TRPS1: variants seen among roughly 807,000 people sequenced by gnomAD.
TRPS1 encodes the protein transcriptional repressor GATA binding 1, also known as zinc finger transcription factor Trps1.
Under a neutral mutation model 101.2 loss-of-function variants are expected in TRPS1, and 6 were observed. The ratio of observed to expected loss-of-function variants is 0.06; its 90% CI spans 0.03 to 0.12. The LOEUF is 0.12. Ranked by LOEUF, TRPS1 falls within the 10% of genes least tolerant of loss-of-function variation. The pLI, the probability that TRPS1 is intolerant of heterozygous loss-of-function variation, is 1.00. For missense variants in TRPS1, 1,363 were observed against 1,567.0 expected, an observed-to-expected ratio of 0.87 and a Z score of 2.20; for synonymous variants, 578 against 589.8, an observed-to-expected ratio of 0.98 and a Z score of 0.29.
intron 1 of TRPS1, among the ~76,000 whole-genome samples, chr8:115,666,970 T>G (rs1171335380): frequency 1.3e-5 from 2 of 152,188 alleles, no homozygotes; most frequent in Non-Finnish European, 2.9e-5. Context: ...CCGCTGAGCT[T>G]CTCACTTCAC....
chr8:115,637,569 T>C (rs1225807980), intron 1 of TRPS1, among the ~76,000 whole-genome samples: 1 of 152,234 alleles, frequency 6.6e-6, no homozygotes, highest in Non-Finnish European at 1.5e-5. Flanking sequence ...AGAATTTATG[T>C]GCTATGATCA....
At chr8:115,622,069 A>C (rs1389741063) in intron 2 of TRPS1, among the ~76,000 whole-genome samples, 1 of 152,190 alleles carries the variant, frequency 6.6e-6, no homozygotes, top group Non-Finnish European at 1.5e-5. Context: ...TTTCAAGTGA[A>C]AGTGTTGGCG....
At chr8:115,505,038 T>A (rs1424079944) in intron 5 of TRPS1, among the ~76,000 whole-genome samples, 1 of 151,970 alleles carries the variant, frequency 6.6e-6, no homozygotes, top group Non-Finnish European at 1.5e-5. Flanking sequence ...ATATATCACA[T>A]CAAACAAACA....
chr8:115,442,437 G>A (rs1457147587), intron 5 of TRPS1, among the ~76,000 whole-genome samples: 2 of 146,428 alleles, frequency 1.4e-5, no homozygotes, highest in Non-Finnish European at 3.1e-5. Flanking sequence ...CTCTAATTCT[G>A]TCTATGGCAA....
At chr8:115,606,849 G>C (rs1370756006) in intron 3 of TRPS1, among the ~76,000 whole-genome samples, 1 of 150,148 alleles carries the variant, frequency 6.7e-6, no homozygotes, top group Non-Finnish European at 1.5e-5. Context: ...TATTTAAATG[G>C]ATAGCCATCA....
At chr8:115,637,825 C>T (rs780505072) in intron 1 of TRPS1, among the ~76,000 whole-genome samples, 8 of 152,090 alleles carry the variant, frequency 5.3e-5, no homozygotes, top group Middle Eastern at 3.2e-3. Flanking sequence ...TAGAGCTGAT[C>T]AACTCACTAA....
At chr8:115,446,939 G>A (rs1167666653) in intron 5 of TRPS1, among the ~76,000 whole-genome samples, 1 of 152,074 alleles carries the variant, frequency 6.6e-6, no homozygotes. Flanking sequence ...CTACAATACT[G>A]TTTTTCAAAG....
chr8:115,533,449 TTTTTTTTTTTC>T lies in TRPS1; in HGVS notation c.2700+53541_2700+53551del, dbSNP rs1015052729. ...CACATGTAATCTGTTTTTTTTTTTT[TTTTTTTTTTTC>T]CTGAAAAAAATCATGAGTGAGTTAA... On this transcript the variant is annotated intron_variant, in intron 5 of 6. Transcript: ENST00000395715. Among the ~76,000 whole-genome samples, 42 of 123,338 alleles carry T rather than the reference TTTTTTTTTTTC, an allele frequency of 3.4e-4. 3 individuals carry two copies. The highest frequency in any genetic ancestry group is 1.4e-3 in the African/African-American group (34 of 24,146). The allele number at this position is 123,338 out of a possible 152,430, so 80.9% of individuals were successfully genotyped here.
chr8:115,538,321 G>A (rs117223442), intron 5 of TRPS1, among the ~76,000 whole-genome samples: 1,638 of 152,054 alleles, frequency 0.011, 15 homozygotes, highest in Non-Finnish European at 0.014. Context: ...TTTCCCAGGG[G>A]GATTTAATAC....
chr8:115,486,149 T>C (rs1814873962), intron 5 of TRPS1, among the ~76,000 whole-genome samples: 1 of 152,214 alleles, frequency 6.6e-6, no homozygotes. Flanking sequence ...ATTTTGGTAA[T>C]TCTCACAATA....
intron 5 of TRPS1, among the ~76,000 whole-genome samples, chr8:115,519,747 ATAAAT>A (rs1815811550): frequency 6.6e-6 from 1 of 151,654 alleles, no homozygotes; most frequent in African/African-American, 2.4e-5. Context: ...ACTAAGAAAA[ATAAAT>A]TAAAAAGTCT....
At chr8:115,501,319 T>C (rs955759310) in intron 5 of TRPS1, among the ~76,000 whole-genome samples, 1 of 152,170 alleles carries the variant, frequency 6.6e-6, no homozygotes, top group Non-Finnish European at 1.5e-5. Context: ...GAAAAAAAGG[T>C]AGACAATTCT....
intron 3 of TRPS1, among the ~76,000 whole-genome samples, chr8:115,616,059 C>T (rs1818270643): frequency 6.6e-6 from 1 of 151,784 alleles, no homozygotes; most frequent in Admixed American, 6.5e-5. Context: ...TACATGTCTT[C>T]TGCTTTTAGG....
At chr8:115,593,298 G>T (rs1377109525) in intron 4 of TRPS1, among the ~76,000 whole-genome samples, 1 of 151,944 alleles carries the variant, frequency 6.6e-6, no homozygotes, top group Non-Finnish European at 1.5e-5. Context: ...TTAGTGCCAG[G>T]TCATTTACAT....
chr8:115,546,100 A>G (rs1816564062), intron 5 of TRPS1, among the ~76,000 whole-genome samples: 1 of 152,040 alleles, frequency 6.6e-6, no homozygotes, highest in South Asian at 2.1e-4. Flanking sequence ...ATTTATATGT[A>G]AGAACATATT....
At chr8:115,456,036 G>T (rs1342058456) in intron 5 of TRPS1, among the ~76,000 whole-genome samples, 1 of 151,986 alleles carries the variant, frequency 6.6e-6, no homozygotes, top group Non-Finnish European at 1.5e-5. Context: ...CGCCCGCCTA[G>T]GCCTCCCAAA....
At chr8:115,619,091 A>G in intron 3 of TRPS1, 41 bp downstream of exon 3, 1 of 1,604,418 alleles carries the variant, frequency 6.2e-7, no homozygotes, top group South Asian at 1.1e-5. Context: ...TTTCATTTCT[A>G]ATAACTTTTT....
intron 3 of TRPS1, among the ~76,000 whole-genome samples, chr8:115,608,987 C>T (rs2737212): frequency 0.69 from 104,748 of 151,932 alleles, 37,678 homozygotes; most frequent in African/African-American, 0.89. Flanking sequence ...GCTGAGACAA[C>T]AGACACATGC....
chr8:115,492,362 G>C (rs1164022415), intron 5 of TRPS1: 3 of 417,736 alleles, frequency 7.2e-6, no homozygotes, highest in Non-Finnish European at 1.4e-5. Flanking sequence ...CAGGGTTCCA[G>C]TGTTAGAATA....
Sources: gnomAD v4.1 joint callset for allele counts (sites outside exome capture counted in the v4.1 genomes callset) on GRCh38, gnomAD v4.1.1 for gene constraint, MANE v1.5 for transcripts, NCBI Gene and HGNC (gene_info 2026-07-23, HGNC 2026-07-21) for gene names.